The following MNAT1 variants were observed in gnomAD, a reference collection of about 807,000 sequenced individuals.
The protein encoded by MNAT1 is MNAT1 component of CDK activating kinase, also known as CDK-activating kinase assembly factor MAT1.
MNAT1 carries 43 observed loss-of-function variants against 42.0 expected under a neutral mutation model. The ratio of observed to expected loss-of-function variants is 1.02; its 90% CI spans 0.80 to 1.32. The LOEUF (loss-of-function observed/expected upper bound fraction) is 1.32. MNAT1 is among the 40% of genes most tolerant of loss of function. The pLI, the probability that MNAT1 is intolerant of heterozygous loss-of-function variation, is 0.00. For missense variants in MNAT1, 306 were observed against 350.4 expected (o/e 0.87, Z 1.01); for synonymous variants, 118 against 120.0 (o/e 0.98, Z 0.11).
intron 1 of MNAT1, among the ~76,000 whole-genome samples, chr14:60,757,496 G>T (rs757000120): frequency 6.6e-6 from 1 of 152,132 alleles, no homozygotes; most frequent in Non-Finnish European, 1.5e-5. Context: ...TTGTTTCAAA[G>T]ATATTTTTAA....
At chr14:60,854,480 G>T (rs926153241) in intron 6 of MNAT1, among the ~76,000 whole-genome samples, 2 of 152,152 alleles carry the variant, frequency 1.3e-5, no homozygotes, top group African/African-American at 2.4e-5. Context: ...TTTGGATGGG[G>T]TTTTTGTGTG....
intron 1 of MNAT1, among the ~76,000 whole-genome samples, chr14:60,764,595 A>T (rs139357156): frequency 1.9e-3 from 286 of 152,286 alleles, no homozygotes; most frequent in African/African-American, 6.7e-3. Context: ...TGGTAAATTG[A>T]GAGGATTTGG....
chr14:60,843,557 A>T (rs766586512), intron 6 of MNAT1, among the ~76,000 whole-genome samples: 2 of 152,200 alleles, frequency 1.3e-5, no homozygotes, highest in Non-Finnish European at 2.9e-5. Context: ...GGCATGAGCC[A>T]CTGCGTCCGG....
At position 60,915,740 on chromosome 14, in the gene MNAT1, T is replaced by A. The variant is rs147945651; in HGVS notation, c.809+35905T>A. Among the ~76,000 whole-genome samples the A allele has an allele frequency of 4.9e-3, 744 of 152,324 alleles. 10 individuals carry two copies. The highest frequency in any genetic ancestry group is 0.016 in the African/African-American group (669 of 41,560). The stretch of plus-strand genomic sequence containing the variant: ...GGGTTTAGCATCAGATTTTTTGGAA[T>A]TGGTACTTTTAAAATGTTTTAAAAA... On this transcript the variant is annotated intron_variant, in intron 7 of 7. Coordinates refer to ENST00000261245, the MANE Select transcript of MNAT1 (RefSeq NM_002431.4).
At chr14:60,745,708 G>A (rs1413381172) in intron 1 of MNAT1, among the ~76,000 whole-genome samples, 1 of 152,168 alleles carries the variant, frequency 6.6e-6, no homozygotes, top group Non-Finnish European at 1.5e-5. Flanking sequence ...GGGATTACAG[G>A]TGTGAGCTGT....
At chr14:60,963,337 G>T (rs1304217131) in intron 7 of MNAT1, among the ~76,000 whole-genome samples, 2 of 152,168 alleles carry the variant, frequency 1.3e-5, no homozygotes, top group African/African-American at 4.8e-5. Flanking sequence ...TTTCTGACAT[G>T]TAGTGTCTTT....
At chr14:60,926,920 A>C (rs1473990349) in intron 7 of MNAT1, among the ~76,000 whole-genome samples, 1 of 152,086 alleles carries the variant, frequency 6.6e-6, no homozygotes, top group African/African-American at 2.4e-5. Context: ...GCTTCCTTCA[A>C]ACAAAAGATG....
chr14:60,817,612 T>G (rs2032754906), intron 5 of MNAT1, among the ~76,000 whole-genome samples: 1 of 152,022 alleles, frequency 6.6e-6, no homozygotes, highest in South Asian at 2.1e-4. Context: ...ACCAATTCCT[T>G]TAAGTCTGTT....
chr14:60,963,611 G>C (rs1224441842), intron 7 of MNAT1, among the ~76,000 whole-genome samples: 1 of 152,146 alleles, frequency 6.6e-6, no homozygotes, highest in Non-Finnish European at 1.5e-5. Context: ...TCAGCTGGCT[G>C]ATCTCTCTTA....
intron 6 of MNAT1, among the ~76,000 whole-genome samples, chr14:60,836,135 C>T (rs888153317): frequency 6.6e-6 from 1 of 152,146 alleles, no homozygotes; most frequent in Non-Finnish European, 1.5e-5. Context: ...AGCAATTCCT[C>T]TAACCTTTTT....
intron 6 of MNAT1, among the ~76,000 whole-genome samples, chr14:60,824,428 A>G (rs2139372959): frequency 6.6e-6 from 1 of 152,328 alleles, no homozygotes; most frequent in Middle Eastern, 3.4e-3. Context: ...AGGTACTTAA[A>G]TAATATCAGA....
chr14:60,870,231 G>C (rs2034299104), intron 6 of MNAT1, among the ~76,000 whole-genome samples: 1 of 151,950 alleles, frequency 6.6e-6, no homozygotes, highest in Non-Finnish European at 1.5e-5. Context: ...AGGGCTCTAA[G>C]CTATATTTTA....
chr14:60,817,788 G>GT (rs2032759944), intron 5 of MNAT1, among the ~76,000 whole-genome samples: 1 of 151,930 alleles, frequency 6.6e-6, no homozygotes, highest in Non-Finnish European at 1.5e-5. Context: ...TGAACAATAT[G>GT]TTTTAGCACA....
chr14:60,780,295 T>C (rs2031410885), intron 1 of MNAT1: 1 of 1,485,518 alleles, frequency 6.7e-7, no homozygotes, highest in African/African-American at 1.4e-5. Flanking sequence ...ATATTGAGTG[T>C]GATAAGACTG....
chr14:60,834,002 C>T (rs1216674473), intron 6 of MNAT1, among the ~76,000 whole-genome samples: 1 of 152,148 alleles, frequency 6.6e-6, no homozygotes, highest in African/African-American at 2.4e-5. Flanking sequence ...GTTTGTATTT[C>T]TGTGGGATCA....
Position 60,960,330 on chromosome 14 carries a change from G to T in MNAT1, c.810-7899G>T, listed in dbSNP as rs1056138253. 2.0e-5 allele frequency among the ~76,000 whole-genome samples: 3 copies of T among 152,284 alleles called. No homozygotes were observed. In the East Asian group the frequency reaches 5.8e-4, roughly 29 times the overall value. On this transcript the variant is annotated intron_variant, in intron 7 of 7. Coordinates refer to ENST00000261245, the MANE Select transcript of MNAT1 (RefSeq NM_002431.4). ...CCTTTACTTCAAAATAGCTTCTTTTGTCAGACCATTACACATTGTAGTTCT... is the reference window on the plus strand; with the variant it reads ...CCTTTACTTCAAAATAGCTTCTTTTTTCAGACCATTACACATTGTAGTTCT...
At position 60,910,955 on chromosome 14, in the gene MNAT1, G is replaced by C. The variant is rs942999844; in HGVS notation, c.809+31120G>C. 5.2e-4 allele frequency among the ~76,000 whole-genome samples: 79 copies of C among 152,168 alleles called. 1 individual carries two copies. Among genetic ancestry groups the C allele is most frequent in the African/African-American group, 1.9e-3 (78 of 41,530 alleles). On this transcript the variant is annotated intron_variant, in intron 7 of 7. Transcript: ENST00000261245. ...TTCGGCTGTGAAACCATCTGGTCCT[G>C]GACTTTTTTTGATTGGTAAACTCTT...
chr14:60,744,779 C>G (rs1325019546), intron 1 of MNAT1, among the ~76,000 whole-genome samples: 1 of 152,080 alleles, frequency 6.6e-6, no homozygotes, highest in Non-Finnish European at 1.5e-5. Flanking sequence ...TAGAATATGC[C>G]TTATTCTAGG....
At chr14:60,754,561 C>T (rs1392437625) in intron 1 of MNAT1, among the ~76,000 whole-genome samples, 3 of 151,790 alleles carry the variant, frequency 2.0e-5, no homozygotes, top group African/African-American at 7.3e-5. Context: ...GTGTTAGCCA[C>T]GATGGTCTCG....
Sources: gnomAD v4.1 joint callset for allele counts (sites outside exome capture counted in the v4.1 genomes callset) on GRCh38, gnomAD v4.1.1 for gene constraint, MANE v1.5 for transcripts, NCBI Gene and HGNC (gene_info 2026-07-23, HGNC 2026-07-21) for gene names.